PCDH11X: variants seen among roughly 807,000 people sequenced by gnomAD.
The protein encoded by PCDH11X is protocadherin-11 X-linked.
PCDH11X carries 18 observed loss-of-function variants against 53.3 expected under a neutral mutation model. The observed-to-expected ratio is 0.34, with a 90% CI of 0.23 to 0.50. PCDH11X has a LOEUF of 0.50. PCDH11X is among the 20% of genes least tolerant of loss of function. The pLI, the probability that PCDH11X is intolerant of heterozygous loss-of-function variation, is 0.98. For missense variants in PCDH11X, 570 were observed against 1,032.4 expected, an observed-to-expected ratio of 0.55 and a Z score of 6.14; for synonymous variants, 279 against 393.3, an observed-to-expected ratio of 0.71 and a Z score of 3.44.
chrX:92,107,490 A>G (rs1257278644), intron 6 of PCDH11X, among the ~76,000 whole-genome samples: 1 of 112,167 alleles, frequency 8.9e-6, no homozygotes, highest in East Asian at 2.8e-4. Flanking sequence ...TAATCCCAGT[A>G]CTTTGGGAGG....
intron 6 of PCDH11X, among the ~76,000 whole-genome samples, chrX:92,007,275 C>G (rs2062614878): frequency 9.0e-6 from 1 of 110,919 alleles, no homozygotes; most frequent in Non-Finnish European, 1.9e-5. Flanking sequence ...CCTTAGAAAT[C>G]TACCTAATGT....
chrX:92,228,491 C>T (rs1163244910), intron 7 of PCDH11X, among the ~76,000 whole-genome samples: 1 of 111,297 alleles, frequency 9.0e-6, no homozygotes, highest in Non-Finnish European at 1.9e-5. Flanking sequence ...GTAGAACATA[C>T]TTGGTGCTTT....
chrX:91,840,380 G>A (rs1386720926), intron 5 of PCDH11X, among the ~76,000 whole-genome samples: 11 of 111,323 alleles, frequency 9.9e-5, no homozygotes, highest in Non-Finnish European at 1.7e-4. Flanking sequence ...TCTCAGGTTA[G>A]TGATCCTACT....
At chrX:92,084,486 G>A (rs2063916166) in intron 6 of PCDH11X, among the ~76,000 whole-genome samples, 1 of 107,069 alleles carries the variant, frequency 9.3e-6, no homozygotes, top group Admixed American at 1.0e-4. Context: ...AGCAGAGGTT[G>A]CGGTGAGCCA....
chrX:92,206,622 G>A (rs2066481548), intron 7 of PCDH11X, among the ~76,000 whole-genome samples: 1 of 110,832 alleles, frequency 9.0e-6, no homozygotes, highest in Non-Finnish European at 1.9e-5. Context: ...TGCCCCCTGA[G>A]TTCAAGTGAT....
intron 10 of PCDH11X, among the ~76,000 whole-genome samples, chrX:92,556,980 C>T (rs1332397427): frequency 9.2e-6 from 1 of 108,903 alleles, no homozygotes; most frequent in Non-Finnish European, 1.9e-5. Flanking sequence ...AGGCTTGGGG[C>T]TTGCACCCTC....
chrX:92,263,211 A>G, intron 8 of PCDH11X, 68 bp downstream of exon 8: 1 of 944,448 alleles, frequency 1.1e-6, no homozygotes, highest in South Asian at 2.4e-5. Flanking sequence ...AAGCTACAGT[A>G]GTTAGTCCAT....
intron 9 of PCDH11X, among the ~76,000 whole-genome samples, chrX:92,462,925 G>C (rs1436988779): frequency 9.0e-6 from 1 of 110,910 alleles, no homozygotes; most frequent in Non-Finnish European, 1.9e-5. Flanking sequence ...TGTAATTAGT[G>C]AAGTCAGATG....
chrX:91,833,419 T>A (rs1455751563), intron 4 of PCDH11X, among the ~76,000 whole-genome samples: 4 of 109,733 alleles, frequency 3.6e-5, no homozygotes, highest in African/African-American at 1.3e-4. Context: ...GTTTTTATAT[T>A]ATGTAATCCC....
intron 10 of PCDH11X, among the ~76,000 whole-genome samples, chrX:92,577,718 C>G (rs942773499): frequency 1.2e-3 from 134 of 110,940 alleles, no homozygotes; most frequent in Admixed American, 2.3e-3. Flanking sequence ...TTACCTATGT[C>G]CCAGGGATTC....
intron 6 of PCDH11X, among the ~76,000 whole-genome samples, chrX:92,115,159 A>G (rs2064611330): frequency 9.0e-6 from 1 of 110,713 alleles, no homozygotes; most frequent in South Asian, 3.9e-4. Flanking sequence ...CTAATTCATG[A>G]CAACTGGAAC....
intron 7 of PCDH11X, among the ~76,000 whole-genome samples, chrX:92,203,376 C>T (rs190127554): frequency 1.4e-3 from 161 of 112,486 alleles, no homozygotes; most frequent in Non-Finnish European, 2.5e-3. Flanking sequence ...AGTTAATTTA[C>T]GCTGTTTGCA....
Position 91,879,370 on chromosome X carries a change from G to A in PCDH11X, c.3033+97G>A, listed in dbSNP as rs772494272. The stretch of plus-strand genomic sequence containing the variant: ...TACAAAATCTATTGACTTCAAAGAG[G>A]GATCAAAACAATCATATTCTACAGA... On this transcript the variant is annotated intron_variant, in intron 6 of 10. Transcript: ENST00000682573. The A allele has an allele frequency of 1.2e-4, 145 of 1,161,765 alleles. No individual in the cohort carries two copies. The African/African-American group carries it at 2.6e-3, about 21-fold the overall frequency.
chrX:92,480,352 A>T (rs1267811719), intron 10 of PCDH11X, among the ~76,000 whole-genome samples: 1 of 111,198 alleles, frequency 9.0e-6, no homozygotes, highest in African/African-American at 3.3e-5. Flanking sequence ...AATTTCTGTC[A>T]TGTCAGCTAT....
chrX:92,292,919 A>G (rs1487295281), intron 8 of PCDH11X, among the ~76,000 whole-genome samples: 1 of 105,088 alleles, frequency 9.5e-6, no homozygotes, highest in Non-Finnish European at 1.9e-5. Flanking sequence ...AGTAAAACCA[A>G]GAAAGAATCA....
chrX:92,479,146 G>T (rs2073449974), intron 10 of PCDH11X, among the ~76,000 whole-genome samples: 1 of 111,337 alleles, frequency 9.0e-6, no homozygotes, highest in Admixed American at 9.5e-5. Context: ...ATATTTGTTG[G>T]TTTAAAATAT....
intron 4 of PCDH11X, among the ~76,000 whole-genome samples, chrX:91,825,492 C>G (rs1020346255): frequency 1.8e-5 from 2 of 112,271 alleles, no homozygotes; most frequent in African/African-American, 3.2e-5. Flanking sequence ...TCCCTGACCC[C>G]TTGCACTTTC....
intron 5 of PCDH11X, among the ~76,000 whole-genome samples, chrX:91,845,517 AC>A: frequency 1.8e-5 from 2 of 109,493 alleles, no homozygotes; most frequent in Admixed American, 2.0e-4. Flanking sequence ...TCCTTTGGAA[AC>A]CATAGTAATG....
chrX:92,555,042 T>G (rs183403193), intron 10 of PCDH11X, among the ~76,000 whole-genome samples: 10 of 111,893 alleles, frequency 8.9e-5, no homozygotes, highest in Non-Finnish European at 1.7e-4. Context: ...GTAGCAGGGT[T>G]TCGCGACGTA....
Sources: allele counts gnomAD v4.1 joint callset (sites outside exome capture counted in the v4.1 genomes callset), GRCh38; gene constraint gnomAD v4.1.1; transcripts MANE v1.5; gene names NCBI Gene and HGNC (gene_info 2026-07-23, HGNC 2026-07-21).